Variants in DIP2C observed in about 807,000 individuals in gnomAD.
DIP2C encodes disco-interacting protein 2 homolog C.
A neutral mutation model predicts 192.4 loss-of-function variants in DIP2C; 33 were observed. The observed-to-expected ratio is 0.17, with a 90% CI of 0.13 to 0.23. The LOEUF is 0.23. Among genes scored for constraint, DIP2C ranks in the 10% least tolerant of loss-of-function variants. The pLI is 1.00. For missense variants in DIP2C, 1,537 were observed against 2,110.1 expected (o/e 0.73, Z 5.32); for synonymous variants, 979 against 864.1 (o/e 1.13, Z -2.33).
intron 1 of DIP2C, among the ~76,000 whole-genome samples, chr10:508,187 C>T (rs372940436): frequency 5.3e-5 from 8 of 152,200 alleles, no homozygotes; most frequent in African/African-American, 1.9e-4. Flanking sequence ...CAGTCACTTA[C>T]ACCCTCATTC....
chr10:600,027 G>T (rs1192658381), intron 1 of DIP2C, among the ~76,000 whole-genome samples: 22 of 152,190 alleles, frequency 1.4e-4, no homozygotes, highest in Non-Finnish European at 7.4e-5. Flanking sequence ...GCATCCAGCG[G>T]CAAGGAGGTC....
intron 24 of DIP2C, among the ~76,000 whole-genome samples, chr10:349,984 T>C (rs1269512944): frequency 6.6e-6 from 1 of 152,232 alleles, no homozygotes. Flanking sequence ...TAGACTTTAA[T>C]GTACAAACAA....
At chr10:380,210 C>T (rs1002548001) in intron 17 of DIP2C, among the ~76,000 whole-genome samples, 4 of 149,868 alleles carry the variant, frequency 2.7e-5, no homozygotes, top group African/African-American at 9.9e-5. Context: ...AGAGGCTCTC[C>T]CTGGATGATG....
chr10:531,899 T>A (rs1278188192), intron 1 of DIP2C, among the ~76,000 whole-genome samples: 1 of 152,202 alleles, frequency 6.6e-6, no homozygotes, highest in African/African-American at 2.4e-5. Context: ...AACTACCATA[T>A]TCTGTGGCAA....
At chr10:679,947 C>T (rs1461874131) in intron 1 of DIP2C, among the ~76,000 whole-genome samples, 1 of 152,166 alleles carries the variant, frequency 6.6e-6, no homozygotes, top group African/African-American at 2.4e-5. Flanking sequence ...CGGCTATTTA[C>T]CAAGCAGGGC....
chr10:584,169 A>G (rs896538552), intron 1 of DIP2C, among the ~76,000 whole-genome samples: 5 of 152,164 alleles, frequency 3.3e-5, no homozygotes, highest in Admixed American at 3.3e-4. Context: ...CTAAAAACAA[A>G]ACATCAACTA....
chr10:670,294 A>C (rs187314749), intron 1 of DIP2C, among the ~76,000 whole-genome samples: 1 of 152,014 alleles, frequency 6.6e-6, no homozygotes, highest in Admixed American at 6.6e-5. Context: ...GTACACATGC[A>C]CACACATACG....
At chr10:376,557 CTTTTTT>C (rs61541768) in intron 17 of DIP2C, among the ~76,000 whole-genome samples, 1 of 135,296 alleles carries the variant, frequency 7.4e-6, no homozygotes, top group Non-Finnish European at 1.6e-5. Flanking sequence ...GAGGAAGTGT[CTTTTTT>C]TTTTTTTTTT....
intron 1 of DIP2C, among the ~76,000 whole-genome samples, chr10:675,906 A>G (rs1377255310): frequency 6.6e-6 from 1 of 152,204 alleles, no homozygotes; most frequent in Non-Finnish European, 1.5e-5. Context: ...TGCCAAGTTC[A>G]TTCTTCAAGG....
chr10:483,488 G>A (rs948936261), intron 2 of DIP2C, among the ~76,000 whole-genome samples: 3 of 152,184 alleles, frequency 2.0e-5, no homozygotes, highest in African/African-American at 4.8e-5. Context: ...CCTCGCTGGG[G>A]CCCTAGCACC....
chr10:357,275 T>A (rs1423317419), intron 23 of DIP2C, among the ~76,000 whole-genome samples: 1 of 152,218 alleles, frequency 6.6e-6, no homozygotes, highest in South Asian at 2.1e-4. Flanking sequence ...TCCCACGGCT[T>A]CTAACGCCAC....
At chr10:299,805 C>T (rs1042802093) in intron 32 of DIP2C, among the ~76,000 whole-genome samples, 1 of 152,004 alleles carries the variant, frequency 6.6e-6, no homozygotes, top group Non-Finnish European at 1.5e-5. Context: ...CCAAAAAAAA[C>T]TAAATGCAAA....
chr10:681,132 C>T (rs1305992816), intron 1 of DIP2C, among the ~76,000 whole-genome samples: 3 of 151,002 alleles, frequency 2.0e-5, no homozygotes, highest in Admixed American at 1.3e-4. Context: ...GGAATGCAGA[C>T]CCTCAGTCCC....
At position 423,425 on chromosome 10, in the gene DIP2C, G is replaced by C. The variant is rs192419005; in HGVS notation, c.395-392C>G. Among the ~76,000 whole-genome samples, 441 of 152,326 alleles carry C rather than the reference G, an allele frequency of 2.9e-3. 3 individuals are homozygous for C. The highest frequency in any genetic ancestry group is 8.4e-3 in the African/African-American group (350 of 41,574). ...CGGCTCTCAGGAGTCTCAGTGTGAC[G>C]TATGTTTAGCCCTTGTTAGTCCTGA... On this transcript the variant is annotated intron_variant, in intron 4 of 36. Coordinates refer to ENST00000280886, the MANE Select transcript of DIP2C (RefSeq NM_014974.3).
chr10:308,561 GATT>G (rs1956429711), intron 32 of DIP2C, among the ~76,000 whole-genome samples: 1 of 152,238 alleles, frequency 6.6e-6, no homozygotes, highest in African/African-American at 2.4e-5. Flanking sequence ...GCCCAGAAGT[GATT>G]ATTTAGAAAA....
intron 3 of DIP2C, among the ~76,000 whole-genome samples, chr10:464,018 G>C (rs143308155): frequency 6.6e-5 from 10 of 152,240 alleles, no homozygotes; most frequent in Admixed American, 5.9e-4. Flanking sequence ...AAACTTAAAC[G>C]TAAGACGTAA....
intron 31 of DIP2C, among the ~76,000 whole-genome samples, chr10:318,681 G>A (rs933296781): frequency 8.5e-5 from 13 of 152,278 alleles, no homozygotes; most frequent in Middle Eastern, 3.4e-3. Context: ...GATCCCCAGC[G>A]TGGCTGGGAT....
chr10:463,587 A>G (rs544609639), intron 3 of DIP2C, among the ~76,000 whole-genome samples: 3 of 152,314 alleles, frequency 2.0e-5, no homozygotes, highest in East Asian at 1.9e-4. Context: ...TATAAATTCA[A>G]TGCTATCCCC....
chr10:286,168 G>A (rs972103197), intron 34 of DIP2C, 105 bp downstream of exon 34: 30 of 1,035,080 alleles, frequency 2.9e-5, no homozygotes, highest in Admixed American at 2.0e-4. Flanking sequence ...AGCTCAAACC[G>A]GTGTGTGGCA....
Sources: gnomAD v4.1 joint callset for allele counts (sites outside exome capture counted in the v4.1 genomes callset) on GRCh38, gnomAD v4.1.1 for gene constraint, MANE v1.5 for transcripts, NCBI Gene and HGNC (gene_info 2026-07-23, HGNC 2026-07-21) for gene names.